Variants in SEMA6D observed in about 807,000 individuals in gnomAD.
SEMA6D encodes the protein semaphorin-6D.
In SEMA6D, 35 loss-of-function variants were observed where a neutral mutation model predicts 106.6. The observed-to-expected ratio is 0.33, with a 90% CI of 0.25 to 0.44. The LOEUF (loss-of-function observed/expected upper bound fraction) is 0.44. SEMA6D is among the 20% of genes least tolerant of loss of function. The probability of loss-of-function intolerance (pLI) is 1.00; values close to 1 mark genes in which losing one functional copy is unlikely to be tolerated. For missense variants in SEMA6D, 1,185 were observed against 1,345.9 expected (o/e 0.88, Z 1.87); for synonymous variants, 499 against 487.7 (o/e 1.02, Z -0.31).
chr15:47,485,790 C>G (rs1315233799), intron 3 of SEMA6D, among the ~76,000 whole-genome samples: 1 of 152,154 alleles, frequency 6.6e-6, no homozygotes, highest in Non-Finnish European at 1.5e-5. Context: ...TGGCACCACT[C>G]TCTACAGTGC....
intron 1 of SEMA6D, among the ~76,000 whole-genome samples, chr15:47,294,939 G>A (rs1595666432): frequency 6.6e-6 from 1 of 152,220 alleles, no homozygotes. Context: ...GAAGCATTTA[G>A]TTCTCTTGTG....
intron 1 of SEMA6D, among the ~76,000 whole-genome samples, chr15:47,389,754 C>T (rs931575000): frequency 5.9e-5 from 9 of 152,286 alleles, no homozygotes; most frequent in South Asian, 2.1e-4. Context: ...TTGGGAGTCA[C>T]CCTTTAGTTC....
intron 3 of SEMA6D, among the ~76,000 whole-genome samples, chr15:47,571,071 C>T (rs954437839): frequency 6.6e-6 from 1 of 152,058 alleles, no homozygotes; most frequent in Non-Finnish European, 1.5e-5. Context: ...TCTGAATTCC[C>T]TCCCCTCCCC....
At chr15:47,611,022 A>G (rs2076888967) in intron 4 of SEMA6D, among the ~76,000 whole-genome samples, 1 of 152,186 alleles carries the variant, frequency 6.6e-6, no homozygotes, top group African/African-American at 2.4e-5. Context: ...CTTTATCGTC[A>G]TTCCTAATGT....
intron 1 of SEMA6D, among the ~76,000 whole-genome samples, chr15:47,273,050 G>T (rs182041881): frequency 1.4e-3 from 217 of 152,096 alleles, no homozygotes; most frequent in African/African-American, 4.8e-3. Context: ...TTCTTTACTC[G>T]CCTGTAAGGT....
At chr15:47,554,009 A>G (rs943519088) in intron 3 of SEMA6D, among the ~76,000 whole-genome samples, 6 of 152,188 alleles carry the variant, frequency 3.9e-5, no homozygotes, top group Non-Finnish European at 8.8e-5. Flanking sequence ...AGGCATGGGA[A>G]AGGAAACCAA....
intron 1 of SEMA6D, among the ~76,000 whole-genome samples, chr15:47,385,410 T>G (rs896428721): frequency 1.3e-5 from 2 of 152,162 alleles, no homozygotes; most frequent in Non-Finnish European, 2.9e-5. Flanking sequence ...GAGTACCGAA[T>G]TCCATTTTAA....
chr15:47,447,071 G>A (rs2042050587), intron 2 of SEMA6D, among the ~76,000 whole-genome samples: 1 of 152,068 alleles, frequency 6.6e-6, no homozygotes, highest in African/African-American at 2.4e-5. Flanking sequence ...CCATATCCAT[G>A]CTGAAGGGCA....
At chr15:47,404,966 T>A (rs564699624) in intron 1 of SEMA6D, among the ~76,000 whole-genome samples, 2 of 152,206 alleles carry the variant, frequency 1.3e-5, no homozygotes, top group African/African-American at 4.8e-5. Context: ...CAAGGTGTCA[T>A]GAGAAAGTCT....
intron 3 of SEMA6D, among the ~76,000 whole-genome samples, chr15:47,541,177 A>G (rs2045342073): frequency 6.6e-6 from 1 of 152,180 alleles, no homozygotes; most frequent in Non-Finnish European, 1.5e-5. Flanking sequence ...AGTAAAGAAC[A>G]TTGCAAATAA....
intron 4 of SEMA6D, among the ~76,000 whole-genome samples, chr15:47,619,855 C>G (rs1371996544): frequency 4.6e-5 from 7 of 152,092 alleles, no homozygotes; most frequent in Admixed American, 3.9e-4. Context: ...GACTAGCAAC[C>G]CTATGTCATG....
At chr15:47,736,461 A>G (rs2080452342) in intron 1 of SEMA6D, among the ~76,000 whole-genome samples, 1 of 152,266 alleles carries the variant, frequency 6.6e-6, no homozygotes, top group African/African-American at 2.4e-5. Context: ...AAAGTAAAAT[A>G]TAAACAAGTC....
At chr15:47,753,028 G>C in intron 1 of SEMA6D, among the ~76,000 whole-genome samples, 1 of 151,548 alleles carries the variant, frequency 6.6e-6, no homozygotes, top group East Asian at 2.1e-4. Context: ...ATAAGCACAT[G>C]GGAAAGAGTT....
intron 1 of SEMA6D, among the ~76,000 whole-genome samples, chr15:47,746,980 GTGTGTA>G (rs140428401): frequency 0.26 from 30,727 of 116,682 alleles, 3,810 homozygotes; most frequent in Middle Eastern, 0.31. Flanking sequence ...CTGTGTGTGT[GTGTGTA>G]TATATATATA....
chr15:47,425,943 C>T (rs2041323209), intron 2 of SEMA6D, among the ~76,000 whole-genome samples: 1 of 152,038 alleles, frequency 6.6e-6, no homozygotes, highest in African/African-American at 2.4e-5. Flanking sequence ...TAATCATTTT[C>T]TGCTGGAGAT....
At chr15:47,409,196 G>T (rs902543061) in intron 1 of SEMA6D, among the ~76,000 whole-genome samples, 1 of 152,158 alleles carries the variant, frequency 6.6e-6, no homozygotes, top group Non-Finnish European at 1.5e-5. Flanking sequence ...CTATCGTACA[G>T]CTGTGAGTGT....
chr15:47,259,076 G>A (rs1479866283), intron 1 of SEMA6D, among the ~76,000 whole-genome samples: 2 of 152,112 alleles, frequency 1.3e-5, no homozygotes, highest in Non-Finnish European at 2.9e-5. Context: ...ACCACTTAAA[G>A]TGAAATGTGG....
chr15:47,715,636 C>CAGCA (rs1364957205), upstream of SEMA6D, among the ~76,000 whole-genome samples: 1 of 152,164 alleles, frequency 6.6e-6, no homozygotes, highest in East Asian at 1.9e-4. Context: ...AACGACCTAC[C>CAGCA]AGCATATCCT....
intron 2 of SEMA6D, among the ~76,000 whole-genome samples, chr15:47,419,784 A>T (rs2140389084): frequency 6.6e-6 from 1 of 152,268 alleles, no homozygotes; most frequent in East Asian, 1.9e-4. Flanking sequence ...GTCCCAGAGG[A>T]TTCAGTGAAA....
Sources: allele counts gnomAD v4.1 joint callset (sites outside exome capture counted in the v4.1 genomes callset), GRCh38; gene constraint gnomAD v4.1.1; transcripts MANE v1.5; gene names NCBI Gene and HGNC (gene_info 2026-07-23, HGNC 2026-07-21).